ZNF280D: variants seen among roughly 807,000 people sequenced by gnomAD.
The protein encoded by ZNF280D is suppressor of hairy wing homolog 4.
Under a neutral mutation model 94.7 loss-of-function variants are expected in ZNF280D, and 39 were observed. That is an observed-to-expected ratio of 0.41 (90% CI 0.32 to 0.54). The LOEUF (loss-of-function observed/expected upper bound fraction) is 0.54. ZNF280D is among the 20% of genes least tolerant of loss of function. ZNF280D has a pLI of 0.22. For missense variants in ZNF280D, 1,090 were observed against 1,149.3 expected (o/e 0.95, Z 0.75); for synonymous variants, 398 against 377.6 (o/e 1.05, Z -0.63).
At chr15:56,635,159 T>A in intron 21 of ZNF280D, 36 bp downstream of exon 21, 2 of 1,348,030 alleles carry the variant, frequency 1.5e-6, no homozygotes, top group Non-Finnish European at 2.0e-6. Flanking sequence ...TTTGTATACT[T>A]GAATTTTATG....
chr15:56,663,347 G>C (rs2054082275), intron 16 of ZNF280D, among the ~76,000 whole-genome samples: 1 of 150,956 alleles, frequency 6.6e-6, no homozygotes, highest in Admixed American at 6.6e-5. Flanking sequence ...CTCTGTGGAA[G>C]ATTAACCAAC....
At chr15:56,708,802 C>T (rs1278932145) in intron 1 of ZNF280D, among the ~76,000 whole-genome samples, 1 of 152,098 alleles carries the variant, frequency 6.6e-6, no homozygotes, top group Non-Finnish European at 1.5e-5. Flanking sequence ...ACTGGCTAGC[C>T]ATATGTAGAA....
At chr15:56,673,478 T>TA (rs1299582298) in intron 13 of ZNF280D, among the ~76,000 whole-genome samples, 1 of 152,076 alleles carries the variant, frequency 6.6e-6, no homozygotes, top group African/African-American at 2.4e-5. Flanking sequence ...ATTGCTACCA[T>TA]ACTGGCCCAA....
At chr15:56,662,129 C>T (rs1055581745) in intron 16 of ZNF280D, among the ~76,000 whole-genome samples, 1 of 152,032 alleles carries the variant, frequency 6.6e-6, no homozygotes, top group African/African-American at 2.4e-5. Context: ...ACTTAATTCT[C>T]TTTTATGTAA....
At chr15:56,707,703 A>C (rs2128171) in intron 1 of ZNF280D, among the ~76,000 whole-genome samples, 1 of 151,976 alleles carries the variant, frequency 6.6e-6, no homozygotes, top group South Asian at 2.1e-4. Context: ...TTTTAAACAA[A>C]TTTTAGTTTA....
intron 10 of ZNF280D, among the ~76,000 whole-genome samples, chr15:56,680,909 A>G (rs1566974222): frequency 2.0e-5 from 3 of 152,250 alleles, no homozygotes; most frequent in East Asian, 3.9e-4. Flanking sequence ...ATTTTACCAT[A>G]TTTACTAACA....
At chr15:56,636,640 T>C (rs1280207076) in intron 20 of ZNF280D, among the ~76,000 whole-genome samples, 1 of 151,848 alleles carries the variant, frequency 6.6e-6, no homozygotes, top group Non-Finnish European at 1.5e-5. Flanking sequence ...CCCACCACCA[T>C]GCCCGACTAA....
chr15:56,688,489 C>CAAAAA (rs55861049), intron 9 of ZNF280D, among the ~76,000 whole-genome samples: 4 of 76,692 alleles, frequency 5.2e-5, no homozygotes, highest in Non-Finnish European at 7.7e-5. Flanking sequence ...GACTCCGTCT[C>CAAAAA]AAAAAAAAAA....
chr15:56,653,109 T>C (rs2053307821), intron 19 of ZNF280D: 1 of 991,184 alleles, frequency 1.0e-6, no homozygotes, highest in African/African-American at 1.7e-5. Context: ...TAAAAATAAC[T>C]GCAATTTTGG....
At chr15:56,707,187 T>C in intron 2 of ZNF280D, 37 bp from the exon 3 acceptor site, 1 of 1,609,910 alleles carries the variant, frequency 6.2e-7, no homozygotes, top group South Asian at 1.1e-5. Flanking sequence ...TGAGTCACTT[T>C]AAGTAACACC....
chr15:56,643,101 A>G (rs1294277165), intron 19 of ZNF280D, 104 bp from the exon 20 acceptor site: 4 of 690,598 alleles, frequency 5.8e-6, no homozygotes, highest in Non-Finnish European at 8.8e-6. Flanking sequence ...ATGTAGATCG[A>G]AACTAATGTA....
intron 21 of ZNF280D, among the ~76,000 whole-genome samples, chr15:56,633,860 T>C (rs2052214094): frequency 1.2e-5 from 1 of 82,634 alleles, no homozygotes; most frequent in Non-Finnish European, 3.4e-5. Flanking sequence ...GAGAAAAATA[T>C]AAATCTTTTT....
At position 56,665,547 on chromosome 15, in the gene ZNF280D, T is replaced by C. The variant is rs562013247; in HGVS notation, c.1994+848A>G. On this transcript the variant is annotated intron_variant, in intron 16 of 21. Coordinates refer to ENST00000267807, the MANE Select transcript of ZNF280D (RefSeq NM_017661.4). ...GGAATGGTGTCTCATTTTCACTGAA[T>C]GGATGCAAGTATAGATGGCCTGACA... 3.2e-4 allele frequency among the ~76,000 whole-genome samples: 49 copies of C among 152,116 alleles called. No homozygotes were observed. The South Asian group carries it at 1.0e-2, about 31-fold the overall frequency.
chr15:56,654,780 C>T (rs1211684665), intron 17 of ZNF280D: 2 of 509,470 alleles, frequency 3.9e-6, no homozygotes, highest in African/African-American at 3.8e-5. Context: ...TAGAGTCAGT[C>T]TTGGCTCCAC....
chr15:56,669,914 TTA>T (rs67216683), intron 13 of ZNF280D, among the ~76,000 whole-genome samples: 6 of 2,676 alleles, frequency 2.2e-3, no homozygotes, highest in Admixed American at 8.1e-3. Flanking sequence ...TATATATATA[TTA>T]TATATATATT....
At chr15:56,659,467 CG>C (rs2140758673) in intron 16 of ZNF280D, among the ~76,000 whole-genome samples, 1 of 151,922 alleles carries the variant, frequency 6.6e-6, no homozygotes, top group East Asian at 1.9e-4. Flanking sequence ...AGACAGACTA[CG>C]TTCATATAAT....
At chr15:56,651,027 T>C (rs1348922420) in intron 19 of ZNF280D, among the ~76,000 whole-genome samples, 1 of 152,238 alleles carries the variant, frequency 6.6e-6, no homozygotes, top group Non-Finnish European at 1.5e-5. Flanking sequence ...ATATGTTTTA[T>C]TTACTTTTAT....
intron 9 of ZNF280D, 125 bp downstream of exon 9, chr15:56,688,916 T>C: frequency 1.8e-6 from 1 of 570,902 alleles, no homozygotes. Context: ...TGAATGTAAA[T>C]TTTTATTTAA....
rs115502744 is a variant in ZNF280D, at chr15:56,638,327, G to T, written c.2260-3077C>A. ...ATTACAAAATTAGGCATGGATAAAA[G>T]ATCCATTCAAAATATAAAACAGACA... is the stretch of plus-strand genomic sequence containing the variant. On this transcript the variant is annotated intron_variant, in intron 20 of 21. Transcript: ENST00000267807. Among the ~76,000 whole-genome samples, 159 of 152,260 alleles carry T rather than the reference G, an allele frequency of 1.0e-3. 1 individual carries two copies. The highest frequency in any genetic ancestry group is 3.7e-3 in the African/African-American group (154 of 41,564).
Sources: gnomAD v4.1 joint callset for allele counts (sites outside exome capture counted in the v4.1 genomes callset) on GRCh38, gnomAD v4.1.1 for gene constraint, MANE v1.5 for transcripts, NCBI Gene and HGNC (gene_info 2026-07-23, HGNC 2026-07-21) for gene names.